ZNF789: variants seen among roughly 807,000 people sequenced by gnomAD.
ZNF789 encodes the protein zinc finger protein 789.
ZNF789 carries 11 observed loss-of-function variants against 15.6 expected under a neutral mutation model. The observed-to-expected ratio is 0.70, with a 90% CI of 0.44 to 1.16. The LOEUF (loss-of-function observed/expected upper bound fraction) is 1.16. ZNF789 is among the 50% of genes most tolerant of loss of function. The probability of loss-of-function intolerance (pLI) is 0.00; values close to 1 mark genes in which losing one functional copy is unlikely to be tolerated. For missense variants in ZNF789, 461 were observed against 512.6 expected (o/e 0.90, Z 0.97); for synonymous variants, 159 against 176.0 (o/e 0.90, Z 0.76).
At chr7:99,484,770 A>C (rs1382533948) in intron 4 of ZNF789, among the ~76,000 whole-genome samples, 1 of 151,806 alleles carries the variant, frequency 6.6e-6, no homozygotes, top group African/African-American at 2.4e-5. Context: ...CTCTACAAAA[A>C]ATACAAATTT....
chr7:99,480,848 A>C (rs1209503515), intron 3 of ZNF789: 2 of 152,214 alleles, frequency 1.3e-5, no homozygotes, highest in Admixed American at 6.5e-5. Flanking sequence ...CCGGGGTCAC[A>C]TGTTTAACCC....
Position 99,487,197 on chromosome 7 carries a change from A to G in ZNF789, c.987A>G (p.Leu329=), listed in dbSNP as rs375334008. 298 of 1,614,158 alleles carry G rather than the reference A, an allele frequency of 1.8e-4. 3 individuals are homozygous for G. In the South Asian group the frequency reaches 3.0e-3, roughly 16 times the overall value. ...CCTTTGGCCGGCATTCAACCCTTCT[A>G]TGTCATCAACAGATTCACAGTAAAC... ...GKAFGRHSTL[L]CHQQIHSKPN... Residue 329 remains leucine (L), a synonymous_variant, in exon 5 of 5, where the codon CTA becomes CTG. Transcript: ENST00000331410.
chr7:99,485,804 C>G (rs886795820), intron 4 of ZNF789, among the ~76,000 whole-genome samples: 1 of 152,132 alleles, frequency 6.6e-6, no homozygotes, highest in African/African-American at 2.4e-5. Context: ...TGCACTCCAG[C>G]CTGGGCTTGT....
chr7:99,477,897 G>C (rs1382643637), intron 2 of ZNF789, among the ~76,000 whole-genome samples: 1 of 152,192 alleles, frequency 6.6e-6, no homozygotes, highest in African/African-American at 2.4e-5. Flanking sequence ...GCAGTGAGCC[G>C]AGATCGCGCC....
At chr7:99,479,423 A>G (rs1799501140) in intron 2 of ZNF789, 1 of 383,138 alleles carries the variant, frequency 2.6e-6, no homozygotes, top group Non-Finnish European at 4.6e-6. Flanking sequence ...GAAAAGCCTA[A>G]AATATTTACC....
intron 4 of ZNF789, 68 bp from the exon 5 acceptor site, chr7:99,486,408 T>TG: frequency 7.1e-7 from 1 of 1,412,480 alleles, no homozygotes; most frequent in Non-Finnish European, 9.6e-7. Context: ...CCCTAACAGT[T>TG]GCCTTCTCTT....
intron 2 of ZNF789, 79 bp from the exon 3 acceptor site, chr7:99,479,582 G>C: frequency 6.7e-7 from 1 of 1,481,994 alleles, no homozygotes; most frequent in Non-Finnish European, 9.0e-7. Context: ...CCCAAACCTT[G>C]GTTTCCTCAG....
At chr7:99,474,048 A>G (rs552467699) in intron 1 of ZNF789, among the ~76,000 whole-genome samples, 1 of 152,304 alleles carries the variant, frequency 6.6e-6, no homozygotes, top group East Asian at 1.9e-4. Context: ...AATGCCTTAC[A>G]TGGCTGTGGG....
rs1223696815 is a variant in ZNF789, at chr7:99,486,617, T to A, written c.407T>A (p.Val136Glu). ...SEKLHKCKEF[V>E]DSCRLTFPTS... is the part of the protein sequence containing the mutation. Reference sequence around the variant, plus strand: ...AAGTTACATAAGTGTAAAGAATTTGTGGACAGTTGCAGGCTTACTTTCCCT... The same window carrying A: ...AAGTTACATAAGTGTAAAGAATTTGAGGACAGTTGCAGGCTTACTTTCCCT... Residue 136 changes from valine (V) to glutamate (E), a missense_variant, in exon 5 of 5, where the codon GTG becomes GAG. Transcript: ENST00000331410. The A allele has an allele frequency of 6.2e-7, 1 of 1,614,108 alleles. No individual in the cohort carries two copies. Among genetic ancestry groups the A allele is most frequent in the Non-Finnish European group, 8.5e-7 (1 of 1,180,048 alleles).
At chr7:99,483,565 A>G (rs974569636) in intron 3 of ZNF789, 4 of 616,118 alleles carry the variant, frequency 6.5e-6, no homozygotes, top group Admixed American at 4.7e-5. Context: ...TGGGAGGCAG[A>G]GGTTGCAGTG....
rs778378153 is a variant in ZNF789, at chr7:99,487,536, A to G, written c.*48A>G. ...GGAGAACTAGAACTTATAAACCTCT[A>G]CTTCAAGTGTGTATCACGTAATTGT... On this transcript the variant is annotated 3_prime_UTR_variant, in exon 5 of 5. Coordinates refer to ENST00000331410, the MANE Select transcript of ZNF789 (RefSeq NM_213603.3). The G allele has an allele frequency of 2.6e-6, 4 of 1,550,252 alleles. No individual in the cohort carries two copies. Among genetic ancestry groups the G allele is most frequent in the Non-Finnish European group, 2.6e-6 (3 of 1,148,512 alleles).
intron 3 of ZNF789, chr7:99,481,957 C>G: frequency 1.7e-6 from 1 of 580,204 alleles, no homozygotes; most frequent in South Asian, 2.2e-5. Context: ...GTGTCTATTA[C>G]AGGGAAAGAA....
Position 99,473,307 on chromosome 7 carries a change from G to A in ZNF789, c.-55+251G>A, listed in dbSNP as rs142751577. Among the ~76,000 whole-genome samples, 350 of 152,318 alleles carry A rather than the reference G, an allele frequency of 2.3e-3. 1 individual carries two copies. Among genetic ancestry groups the A allele is most frequent in the African/African-American group, 7.6e-3 (318 of 41,570 alleles). On this transcript the variant is annotated intron_variant, in intron 1 of 4. Transcript: ENST00000331410. ...GGGAGATGAGCCGTGGTTGTTAGTG[G>A]AAGGTGTTCACGTGATTGTGAAGCG...
Position 99,479,803 on chromosome 7 carries a change from A to C in ZNF789, c.151+16A>C, listed in dbSNP as rs932547792. 2.5e-6 allele frequency: 4 copies of C among 1,610,146 alleles called. No individual in the cohort carries two copies. Among genetic ancestry groups the C allele is most frequent in the Non-Finnish European group, 3.4e-6 (4 of 1,178,006 alleles). Reference sequence around the variant, plus strand: ...GTCTTGCTGGGTAGGACACGGCTTGAAGATTGGGCTTTGTCTGTGTTCTGA... The same window carrying C: ...GTCTTGCTGGGTAGGACACGGCTTGCAGATTGGGCTTTGTCTGTGTTCTGA... On this transcript the variant is annotated intron_variant, in intron 3 of 4. Transcript: ENST00000331410.
rs1800043547 is a variant in ZNF789, at chr7:99,487,554, G to A, written c.*66G>A. ...AACCTCTACTTCAAGTGTGTATCAC[G>A]TAATTGTTTCCATGAAAAGCAATAA... On this transcript the variant is annotated 3_prime_UTR_variant, in exon 5 of 5. Transcript: ENST00000331410. 80 of 1,511,584 alleles carry A rather than the reference G, an allele frequency of 5.3e-5. No homozygotes were observed. The highest frequency in any genetic ancestry group is 6.6e-5 in the Non-Finnish European group (74 of 1,125,282). The allele number at this position is 1,511,584 out of a possible 1,614,324, so 93.6% of individuals were successfully genotyped here. A position where few individuals can be genotyped will look rare whatever the true frequency, so the allele number is the denominator to read the frequency against.
Position 99,476,423 on chromosome 7 carries a change from C to T in ZNF789, c.-34C>T, listed in dbSNP as rs1799336207. The T allele has an allele frequency of 6.2e-7, 1 of 1,605,208 alleles. No homozygotes were observed. Among genetic ancestry groups the T allele is most frequent in the Non-Finnish European group, 8.5e-7 (1 of 1,176,500 alleles). On this transcript the variant is annotated 5_prime_UTR_variant, in exon 2 of 5. Coordinates refer to ENST00000331410, the MANE Select transcript of ZNF789 (RefSeq NM_213603.3). ...TCCAGCTCAGCCAGACGTCCAGGAT[C>T]CCACCCCTTGCAAAAGACCAGGCCG... is the stretch of plus-strand genomic sequence containing the variant.
At chr7:99,482,828 C>G (rs1275633117) in intron 3 of ZNF789, among the ~76,000 whole-genome samples, 1 of 151,854 alleles carries the variant, frequency 6.6e-6, no homozygotes, top group Non-Finnish European at 1.5e-5. Context: ...GCCCTCCAGC[C>G]TGGGCAACAA....
At chr7:99,480,534 G>A (rs998504948) in intron 3 of ZNF789, 4 of 152,178 alleles carry the variant, frequency 2.6e-5, no homozygotes, top group African/African-American at 7.2e-5. Context: ...GGCTCAGACC[G>A]AGACACTTCA....
rs577405819 is a variant in ZNF789, at chr7:99,485,091, C to G, written c.265+948C>G. The G allele has an allele frequency of 3.9e-6, 5 of 1,283,094 alleles. No individual in the cohort carries two copies. The African/African-American group carries it at 7.5e-5, about 19-fold the overall frequency. The allele number at this position is 1,283,094 out of a possible 1,614,324, so 79.5% of individuals were successfully genotyped here. A position where few individuals can be genotyped will look rare whatever the true frequency, so the allele number is the denominator to read the frequency against. On this transcript the variant is annotated intron_variant, in intron 4 of 4. Coordinates refer to ENST00000331410, the MANE Select transcript of ZNF789 (RefSeq NM_213603.3). ...ACCCTGGATGCCCCTTGATTCCACC[C>G]TCATTACTTGTCCTCTCTCGGTGCT...
Sources: allele counts gnomAD v4.1 joint callset (sites outside exome capture counted in the v4.1 genomes callset), GRCh38; gene constraint gnomAD v4.1.1; transcripts MANE v1.5; gene names NCBI Gene and HGNC (gene_info 2026-07-23, HGNC 2026-07-21).